Variants in UBE2H observed in about 807,000 individuals in gnomAD.
The protein encoded by UBE2H is ubiquitin-conjugating enzyme E2 H.
In UBE2H, 3 loss-of-function variants were observed where a neutral mutation model predicts 29.0. The ratio of observed to expected loss-of-function variants is 0.10; its 90% CI spans 0.05 to 0.27. The LOEUF (loss-of-function observed/expected upper bound fraction) is 0.27, where lower values mean the gene tolerates loss of function less well. Among genes scored for constraint, UBE2H ranks in the 10% least tolerant of loss-of-function variants. The pLI, the probability that UBE2H is intolerant of heterozygous loss-of-function variation, is 1.00. For synonymous variants in UBE2H, 69 were observed against 82.9 expected (o/e 0.83, Z 0.91); for missense variants, 68 against 228.2 (o/e 0.30, Z 4.52).
intron 2 of UBE2H, among the ~76,000 whole-genome samples, chr7:129,879,958 TC>T: frequency 6.6e-6 from 1 of 151,546 alleles, no homozygotes; most frequent in South Asian, 2.1e-4. Flanking sequence ...CCCATATTCA[TC>T]CCCCCTCCAA....
intron 1 of UBE2H, among the ~76,000 whole-genome samples, chr7:129,898,394 T>TA (rs1806642256): frequency 1.3e-5 from 2 of 152,292 alleles, no homozygotes; most frequent in African/African-American, 4.8e-5. Flanking sequence ...CCTAATCACT[T>TA]AAGTAGAAGT....
At chr7:129,858,359 G>A in intron 4 of UBE2H, among the ~76,000 whole-genome samples, 1 of 152,116 alleles carries the variant, frequency 6.6e-6, no homozygotes, top group East Asian at 1.9e-4. Context: ...GTAAAACTTA[G>A]TGCCATGACA....
At chr7:129,950,553 CCT>C (rs1459468892) in intron 1 of UBE2H, among the ~76,000 whole-genome samples, 1 of 152,022 alleles carries the variant, frequency 6.6e-6, no homozygotes, top group Non-Finnish European at 1.5e-5. Flanking sequence ...GTTAGGCCCC[CCT>C]CTTTATCCTC....
chr7:129,913,836 A>G (rs565438095), intron 1 of UBE2H, among the ~76,000 whole-genome samples: 2 of 152,290 alleles, frequency 1.3e-5, no homozygotes, highest in African/African-American at 4.8e-5. Flanking sequence ...CCTTGCCTCA[A>G]GTCATCTAGT....
chr7:129,900,606 A>AT (rs1806690987), intron 1 of UBE2H, among the ~76,000 whole-genome samples: 1 of 152,204 alleles, frequency 6.6e-6, no homozygotes, highest in South Asian at 2.1e-4. Context: ...TTTAGAGATT[A>AT]TATTATGACC....
At chr7:129,943,274 T>C (rs933183538) in intron 1 of UBE2H, among the ~76,000 whole-genome samples, 1 of 152,196 alleles carries the variant, frequency 6.6e-6, no homozygotes, top group Non-Finnish European at 1.5e-5. Flanking sequence ...GCTTAAGTGA[T>C]CCTTCTGCCT....
chr7:129,861,989 CA>C (rs1236655013), intron 3 of UBE2H, among the ~76,000 whole-genome samples: 1 of 152,148 alleles, frequency 6.6e-6, no homozygotes, highest in East Asian at 1.9e-4. Flanking sequence ...TAAAACCAAC[CA>C]TTTTATTTGA....
At position 129,904,675 on chromosome 7, in the gene UBE2H, T is replaced by TG. The variant is rs1255520611; in HGVS notation, c.54-23705dup. On this transcript the variant is annotated intron_variant, in intron 1 of 6. Coordinates refer to ENST00000355621, the MANE Select transcript of UBE2H (RefSeq NM_003344.4). The stretch of plus-strand genomic sequence containing the variant: ...CTAGCCTCGGCTACGTGTCAGTGGA[T>TG]GCTCAACAGAAACTGGTTAAATGAA... Among the ~76,000 whole-genome samples the TG allele has an allele frequency of 2.6e-5, 4 of 152,236 alleles. No homozygotes were observed. In the South Asian group the frequency reaches 8.3e-4, roughly 32 times the overall value.
chr7:129,864,000 C>T (rs1220962883), intron 3 of UBE2H, among the ~76,000 whole-genome samples: 1 of 152,070 alleles, frequency 6.6e-6, no homozygotes, highest in Non-Finnish European at 1.5e-5. Flanking sequence ...ACCATGTTGG[C>T]CAGGCTGGTC....
intron 1 of UBE2H, among the ~76,000 whole-genome samples, chr7:129,933,685 A>G (rs1423578626): frequency 6.6e-6 from 1 of 152,216 alleles, no homozygotes; most frequent in Non-Finnish European, 1.5e-5. Context: ...AAGATTCAAC[A>G]CTTTCCTGCA....
At chr7:129,889,134 C>T (rs1296668476) in intron 1 of UBE2H, among the ~76,000 whole-genome samples, 2 of 152,134 alleles carry the variant, frequency 1.3e-5, no homozygotes, top group Non-Finnish European at 1.5e-5. Context: ...CGGAGGGCTC[C>T]GAAGTGTGGA....
chr7:129,879,687 T>G, intron 2 of UBE2H, 45 bp from the exon 3 acceptor site: 2 of 1,517,772 alleles, frequency 1.3e-6, no homozygotes, highest in Non-Finnish European at 1.8e-6. Flanking sequence ...ATCTCCAAAT[T>G]AGAAAATAAA....
chr7:129,896,272 C>T (rs1404621798), intron 1 of UBE2H, among the ~76,000 whole-genome samples: 1 of 150,082 alleles, frequency 6.7e-6, no homozygotes, highest in African/African-American at 2.5e-5. Context: ...AGGAGGCAGA[C>T]GTTGCAGTGA....
chr7:129,840,138 C>T (rs560439021), intron 5 of UBE2H, among the ~76,000 whole-genome samples: 1 of 152,242 alleles, frequency 6.6e-6, no homozygotes, highest in East Asian at 1.9e-4. Flanking sequence ...CATAAGACTA[C>T]AAATATTCAT....
chr7:129,935,386 C>G (rs2116504335), intron 1 of UBE2H, among the ~76,000 whole-genome samples: 1 of 148,920 alleles, frequency 6.7e-6, no homozygotes, highest in South Asian at 2.1e-4. Flanking sequence ...GCACTCCAGC[C>G]TGGGCGACAG....
intron 1 of UBE2H, among the ~76,000 whole-genome samples, chr7:129,905,657 C>A (rs1806800950): frequency 6.6e-5 from 10 of 152,114 alleles, no homozygotes; most frequent in Admixed American, 6.5e-4. Flanking sequence ...TTGAGGTGAA[C>A]CTCACAGACA....
chr7:129,871,211 A>G (rs1367637102), intron 3 of UBE2H, among the ~76,000 whole-genome samples: 1 of 152,242 alleles, frequency 6.6e-6, no homozygotes, highest in Non-Finnish European at 1.5e-5. Context: ...TAGGTATCCA[A>G]TAACTTTGTG....
At chr7:129,912,568 A>G (rs1275564775) in intron 1 of UBE2H, among the ~76,000 whole-genome samples, 1 of 152,196 alleles carries the variant, frequency 6.6e-6, no homozygotes, top group Non-Finnish European at 1.5e-5. Flanking sequence ...ATTTTAAACA[A>G]TATTTTAAAT....
At chr7:129,860,713 T>C (rs910807329) in intron 3 of UBE2H, among the ~76,000 whole-genome samples, 2 of 151,878 alleles carry the variant, frequency 1.3e-5, no homozygotes, top group Middle Eastern at 3.2e-3. Flanking sequence ...AGCTGAGTTT[T>C]GTTTTTTTTT....
Sources: gnomAD v4.1 joint callset for allele counts (sites outside exome capture counted in the v4.1 genomes callset) on GRCh38, gnomAD v4.1.1 for gene constraint, MANE v1.5 for transcripts, NCBI Gene and HGNC (gene_info 2026-07-23, HGNC 2026-07-21) for gene names.